ADCY3: variants seen among roughly 807,000 people sequenced by gnomAD.
ADCY3 encodes the protein adenylate cyclase 3.
ADCY3 carries 70 observed loss-of-function variants against 119.4 expected under a neutral mutation model. The observed-to-expected ratio is 0.59, with a 90% CI of 0.48 to 0.72. The LOEUF (loss-of-function observed/expected upper bound fraction) is 0.72. Among genes scored for constraint, ADCY3 ranks in the 30% least tolerant of loss-of-function variants. The pLI, the probability that ADCY3 is intolerant of heterozygous loss-of-function variation, is 0.00. For synonymous variants in ADCY3, 672 were observed against 621.4 expected (o/e 1.08, Z -1.21); for missense variants, 1,238 against 1,541.6 (o/e 0.80, Z 3.30).
chr2:24,915,210 C>T (rs1006967964), intron 2 of ADCY3, among the ~76,000 whole-genome samples: 7 of 152,210 alleles, frequency 4.6e-5, no homozygotes, highest in Non-Finnish European at 8.8e-5. Flanking sequence ...TGGGAAACTG[C>T]GTTCATCCCC....
intron 3 of ADCY3, among the ~76,000 whole-genome samples, chr2:24,867,324 G>C (rs754256017): frequency 6.6e-6 from 1 of 152,250 alleles, no homozygotes; most frequent in East Asian, 1.9e-4. Context: ...GTCTTGGCAT[G>C]ATTTGAATGT....
At chr2:24,880,178 C>T (rs1676222083) in intron 2 of ADCY3, among the ~76,000 whole-genome samples, 1 of 152,196 alleles carries the variant, frequency 6.6e-6, no homozygotes, top group Non-Finnish European at 1.5e-5. Flanking sequence ...TCAAAGTCTA[C>T]CCTCTTCCAA....
chr2:24,868,152 A>C (rs1228311715), intron 3 of ADCY3, among the ~76,000 whole-genome samples: 1 of 152,222 alleles, frequency 6.6e-6, no homozygotes, highest in Admixed American at 6.5e-5. Context: ...TAAAGATAAA[A>C]AACAACATAA....
At position 24,898,541 on chromosome 2, in the gene ADCY3, A is replaced by G. The variant is rs868668487; in HGVS notation, c.675+19772T>C. On this transcript the variant is annotated intron_variant, in intron 2 of 21. Coordinates refer to ENST00000679454, the MANE Select transcript of ADCY3 (RefSeq NM_004036.5). This position sits in a 1 kb window ranked among gnomAD's most constrained non-coding sequence, Gnocchi z 4.3. ...CCACACCACAGATTAAGTCAATTACACTCAGCCAGAGGAAATATCCTCCGA... is the reference window on the plus strand; with the variant it reads ...CCACACCACAGATTAAGTCAATTACGCTCAGCCAGAGGAAATATCCTCCGA... Among the ~76,000 whole-genome samples, 3 of 151,952 alleles carry G rather than the reference A, an allele frequency of 2.0e-5. No homozygotes were observed. Among genetic ancestry groups the G allele is most frequent in the South Asian group, 2.1e-4 (1 of 4,808 alleles).
intron 12 of ADCY3, among the ~76,000 whole-genome samples, 183 bp from the exon 13 acceptor site, chr2:24,831,008 C>T (rs895462150): frequency 1.6e-4 from 25 of 152,134 alleles, no homozygotes; most frequent in Non-Finnish European, 2.1e-4. Flanking sequence ...GGAGTTCTGA[C>T]GCTGTGTTGG....
rs940386250 is a variant in ADCY3, at chr2:24,831,566, A to G, written c.2055+96T>C. The stretch of plus-strand genomic sequence containing the variant: ...TAACAGAGGAGTGTCTGCCTGTCAG[A>G]TTTGACAGAAAGAATAACTCCATCA... On this transcript the variant is annotated intron_variant, in intron 12 of 21. Coordinates refer to ENST00000679454, the MANE Select transcript of ADCY3 (RefSeq NM_004036.5). The G allele has an allele frequency of 1.8e-5, 18 of 992,148 alleles. No homozygotes were observed. The South Asian group carries it at 2.5e-4, about 14-fold the overall frequency. The allele number at this position is 992,148 out of a possible 1,614,324, so 61.5% of individuals were successfully genotyped here.
chr2:24,865,822 G>A (rs923257108), intron 3 of ADCY3, among the ~76,000 whole-genome samples: 4 of 152,084 alleles, frequency 2.6e-5, no homozygotes, highest in African/African-American at 9.7e-5. Context: ...GGATTTGAGG[G>A]GCCAAGATCT....
At chr2:24,874,791 C>T (rs1297688074) in intron 2 of ADCY3, among the ~76,000 whole-genome samples, 1 of 152,136 alleles carries the variant, frequency 6.6e-6, no homozygotes. Flanking sequence ...GTCCAGGGTT[C>T]CCCCCGAATT....
chr2:24,888,444 C>T (rs1454846633), intron 2 of ADCY3, among the ~76,000 whole-genome samples: 2 of 152,242 alleles, frequency 1.3e-5, no homozygotes, highest in African/African-American at 4.8e-5. Context: ...AACTGACCGA[C>T]TACCTCCCAG....
intron 12 of ADCY3, 38 bp from the exon 13 acceptor site, chr2:24,830,863 C>G: frequency 6.6e-7 from 1 of 1,520,194 alleles, no homozygotes; most frequent in Non-Finnish European, 9.1e-7. Flanking sequence ...TGAGCCTTTG[C>G]CAGTCCTTTC....
intron 15 of ADCY3, 144 bp downstream of exon 15, chr2:24,827,400 GGA>G: frequency 1.2e-6 from 1 of 801,738 alleles, no homozygotes; most frequent in Non-Finnish European, 2.0e-6. Flanking sequence ...CCCTCCTGGA[GGA>G]ACCCATGCCA....
intron 18 of ADCY3, 96 bp downstream of exon 18, chr2:24,823,113 T>C (rs990864974): frequency 2.1e-6 from 3 of 1,430,930 alleles, no homozygotes; most frequent in Admixed American, 2.5e-5. Flanking sequence ...TCTGGGAAAA[T>C]GAAGCCAGTT....
At chr2:24,847,512 C>G (rs970778808) in intron 3 of ADCY3, among the ~76,000 whole-genome samples, 1 of 152,146 alleles carries the variant, frequency 6.6e-6, no homozygotes, top group Admixed American at 6.5e-5. Context: ...CCTGCCCTGG[C>G]TCCACCGAAG....
At chr2:24,901,383 C>A (rs1031223784) in intron 2 of ADCY3, among the ~76,000 whole-genome samples, 6 of 152,100 alleles carry the variant, frequency 3.9e-5, no homozygotes, top group African/African-American at 1.4e-4. Flanking sequence ...TTAAATATAA[C>A]CTACACAGAT....
Position 24,885,464 on chromosome 2 carries a change from G to A in ADCY3, c.676-12745C>T, listed in dbSNP as rs187283502. On this transcript the variant is annotated intron_variant, in intron 2 of 21. Transcript: ENST00000679454. Reference sequence around the variant, plus strand: ...CAGCTAGGAACACAGCACCCAACACGGCGCAGGTCCTCAGTAACATTGGCT... The same window carrying A: ...CAGCTAGGAACACAGCACCCAACACAGCGCAGGTCCTCAGTAACATTGGCT... Among the ~76,000 whole-genome samples, 47 of 152,288 alleles carry A rather than the reference G, an allele frequency of 3.1e-4. No homozygotes were observed. In the East Asian group the frequency reaches 7.1e-3, roughly 23 times the overall value.
Position 24,842,574 on chromosome 2 carries a change from C to T in ADCY3, c.826-190G>A. 1.4e-6 allele frequency: 1 copy of T among 696,432 alleles called. No homozygotes were observed. The highest frequency in any genetic ancestry group is 1.9e-5 in the South Asian group (1 of 52,930). 43.1% of individuals were successfully genotyped at this position (696,432 alleles called of 1,614,324 possible). On this transcript the variant is annotated intron_variant, in intron 3 of 21. Coordinates refer to ENST00000679454, the MANE Select transcript of ADCY3 (RefSeq NM_004036.5). This position sits in a 1 kb window ranked among gnomAD's most constrained non-coding sequence, Gnocchi z 4.9. ...TGGGACAGGCAGCTTCTGGCCCTGACAAGGCTGAGGGTGGCAATGGCCCCT... is the reference window on the plus strand; with the variant it reads ...TGGGACAGGCAGCTTCTGGCCCTGATAAGGCTGAGGGTGGCAATGGCCCCT...
At chr2:24,884,493 T>TTG (rs1676788784) in intron 2 of ADCY3, among the ~76,000 whole-genome samples, 1 of 143,814 alleles carries the variant, frequency 7.0e-6, no homozygotes, top group African/African-American at 2.7e-5. Context: ...TTTTTTTTTT[T>TTG]GAGACGGAGT....
At chr2:24,824,237 T>A (rs879044940) in intron 17 of ADCY3, 141 bp downstream of exon 17, 1 of 1,036,740 alleles carries the variant, frequency 9.6e-7, no homozygotes, top group Admixed American at 2.8e-5. Flanking sequence ...TGCTTATTTG[T>A]GTTTGCTGTT....
At position 24,842,549 on chromosome 2, in the gene ADCY3, T is replaced by C. The variant is rs113578562; in HGVS notation, c.826-165A>G. The C allele has an allele frequency of 2.9e-3, 2,585 of 880,360 alleles. 11 individuals carry two copies. Among genetic ancestry groups the C allele is most frequent in the Middle Eastern group, 4.9e-3 (20 of 4,062 alleles). The allele number at this position is 880,360 out of a possible 1,614,324, so 54.5% of individuals were successfully genotyped here. ...TCTGCCTCGGGAGCAGCCAGGGGTC[T>C]GGGACAGGCAGCTTCTGGCCCTGAC... On this transcript the variant is annotated intron_variant, in intron 3 of 21. Transcript: ENST00000679454. This position sits in a 1 kb window ranked among gnomAD's most constrained non-coding sequence, Gnocchi z 4.9.
Sources: allele counts gnomAD v4.1 joint callset (sites outside exome capture counted in the v4.1 genomes callset), GRCh38; gene constraint gnomAD v4.1.1; non-coding constraint Gnocchi (gnomAD v3.1); transcripts MANE v1.5; gene names NCBI Gene and HGNC (gene_info 2026-07-23, HGNC 2026-07-21).